Variants in HECW2 observed in about 807,000 individuals in gnomAD.
HECW2 encodes HECT, C2 and WW domain containing E3 ubiquitin protein ligase 2.
Under a neutral mutation model 175.2 loss-of-function variants are expected in HECW2, and 61 were observed. That is an observed-to-expected ratio of 0.35 (90% CI 0.28 to 0.43). The LOEUF is 0.43. Ranked by LOEUF, HECW2 falls within the 20% of genes least tolerant of loss-of-function variation. The pLI, the probability that HECW2 is intolerant of heterozygous loss-of-function variation, is 1.00. For synonymous variants in HECW2, 671 were observed against 731.0 expected (o/e 0.92, Z 1.32); for missense variants, 1,524 against 2,000.5 (o/e 0.76, Z 4.54).
intron 1 of HECW2, among the ~76,000 whole-genome samples, chr2:196,589,471 A>C (rs1336239685): frequency 6.6e-6 from 1 of 152,144 alleles, no homozygotes; most frequent in Non-Finnish European, 1.5e-5. Context: ...TCAAACCCCC[A>C]AGAGAATTTT....
rs1472464215 is a variant in HECW2, at chr2:196,433,033, T to C, written c.292+99A>G. 14 of 1,099,362 alleles carry C rather than the reference T, an allele frequency of 1.3e-5. No homozygotes were observed. The East Asian group carries it at 3.1e-4, about 24-fold the overall frequency. The allele number at this position is 1,099,362 out of a possible 1,614,324, so 68.1% of individuals were successfully genotyped here. On this transcript the variant is annotated intron_variant, in intron 2 of 28. Coordinates refer to ENST00000644978, the MANE Select transcript of HECW2 (RefSeq NM_001348768.2). ...AGAATCTGCTATGTGTATATGTGCA[T>C]GTGAATTTTTTTCCAGAAGAAAATA...
intron 1 of HECW2, among the ~76,000 whole-genome samples, chr2:196,548,908 C>T (rs1329726576): frequency 2.6e-5 from 4 of 152,120 alleles, no homozygotes; most frequent in Non-Finnish European, 5.9e-5. Flanking sequence ...TTTATAAGGA[C>T]ACCAGTTATA....
At chr2:196,245,600 G>A (rs1688617001) in intron 19 of HECW2, among the ~76,000 whole-genome samples, 1 of 152,176 alleles carries the variant, frequency 6.6e-6, no homozygotes, top group Non-Finnish European at 1.5e-5. Context: ...TGCAGTGACT[G>A]TTGCATAAGA....
chr2:196,329,743 T>C, intron 4 of HECW2, 93 bp from the exon 5 acceptor site: 1 of 998,396 alleles, frequency 1.0e-6, no homozygotes, highest in South Asian at 1.3e-5. Context: ...ATGCAATGAT[T>C]TTTGCATCAA....
chr2:196,359,136 C>T (rs1372674786), intron 2 of HECW2, among the ~76,000 whole-genome samples: 2 of 152,268 alleles, frequency 1.3e-5, no homozygotes, highest in African/African-American at 4.8e-5. Context: ...ACCCTCCTTT[C>T]TTTCCTCTAA....
At chr2:196,388,609 G>A (rs1013641910) in intron 2 of HECW2, among the ~76,000 whole-genome samples, 4 of 152,096 alleles carry the variant, frequency 2.6e-5, no homozygotes, top group Non-Finnish European at 5.9e-5. Context: ...TCAGAGTATA[G>A]GTATGTAACT....
intron 2 of HECW2, among the ~76,000 whole-genome samples, chr2:196,384,308 C>T (rs976381774): frequency 1.3e-5 from 2 of 152,024 alleles, no homozygotes; most frequent in South Asian, 2.1e-4. Context: ...AGGCTGAGCA[C>T]GGTGGCTCGT....
chr2:196,477,849 C>T (rs1009391592), intron 1 of HECW2, among the ~76,000 whole-genome samples: 4 of 152,152 alleles, frequency 2.6e-5, no homozygotes, highest in African/African-American at 7.2e-5. Flanking sequence ...GTCAGGAGTT[C>T]GAGACCAGTC....
intron 2 of HECW2, among the ~76,000 whole-genome samples, chr2:196,379,680 GTC>G (rs1694151402): frequency 5.2e-5 from 3 of 57,304 alleles, no homozygotes; most frequent in Admixed American, 2.2e-4. Flanking sequence ...GCAATACTCC[GTC>G]TCAAAAAAAA....
chr2:196,440,062 A>C (rs2125287545), intron 1 of HECW2, among the ~76,000 whole-genome samples: 1 of 152,324 alleles, frequency 6.6e-6, no homozygotes, highest in South Asian at 2.1e-4. Context: ...GACAGGGCTG[A>C]GAAAATCAAA....
intron 15 of HECW2, among the ~76,000 whole-genome samples, chr2:196,278,133 A>AAAAATATATATAT (rs531920307): frequency 9.0e-5 from 6 of 66,552 alleles, no homozygotes; most frequent in South Asian, 6.4e-4. Flanking sequence ...ATAATTAAAA[A>AAAAATATATATAT]ATATATATAT....
intron 1 of HECW2, among the ~76,000 whole-genome samples, chr2:196,437,938 C>A (rs964727756): frequency 6.6e-6 from 1 of 152,128 alleles, no homozygotes; most frequent in African/African-American, 2.4e-5. Context: ...AGAATCCAGG[C>A]TCTTCCTCAA....
chr2:196,465,510 G>A (rs1368575903), intron 1 of HECW2, among the ~76,000 whole-genome samples: 1 of 151,940 alleles, frequency 6.6e-6, no homozygotes, highest in Non-Finnish European at 1.5e-5. Flanking sequence ...TTTGGGCCCA[G>A]CTTACATCAT....
At chr2:196,375,729 G>A (rs752825554) in intron 2 of HECW2, among the ~76,000 whole-genome samples, 12 of 152,326 alleles carry the variant, frequency 7.9e-5, no homozygotes, top group Admixed American at 3.9e-4. Flanking sequence ...GTGGGAAAAC[G>A]TCTACAGAGA....
Position 196,197,592 on chromosome 2 carries a change from G to T in HECW2, c.*3685C>A, listed in dbSNP as rs530898024. ...AATTTCTTTATGGACTTTTCAGAAGGTGTCATATTTTAAATGTATCTGTTT... is the reference window on the plus strand; with the variant it reads ...AATTTCTTTATGGACTTTTCAGAAGTTGTCATATTTTAAATGTATCTGTTT... On this transcript the variant is annotated 3_prime_UTR_variant, in exon 29 of 29. Transcript: ENST00000644978. 6.6e-6 allele frequency: 1 copy of T among 152,164 alleles called. No homozygotes were observed. Among genetic ancestry groups the T allele is most frequent in the African/African-American group, 2.4e-5 (1 of 41,508 alleles). 9.4% of individuals were successfully genotyped at this position (152,164 alleles called of 1,614,324 possible). A position where few individuals can be genotyped will look rare whatever the true frequency, so the allele number is the denominator to read the frequency against.
At chr2:196,381,580 C>A (rs374271656) in intron 2 of HECW2, among the ~76,000 whole-genome samples, 2 of 151,952 alleles carry the variant, frequency 1.3e-5, no homozygotes, top group South Asian at 2.1e-4. Context: ...TAAAAGTAGA[C>A]GAAAAGTTCT....
At chr2:196,306,135 A>G (rs1168611447) in intron 13 of HECW2, among the ~76,000 whole-genome samples, 1 of 151,960 alleles carries the variant, frequency 6.6e-6, no homozygotes, top group Non-Finnish European at 1.5e-5. Flanking sequence ...CCCTTAGACC[A>G]TATGAAGATG....
intron 1 of HECW2, among the ~76,000 whole-genome samples, chr2:196,472,781 C>T (rs1697264323): frequency 6.6e-6 from 1 of 152,052 alleles, no homozygotes. Context: ...ATCACCACAT[C>T]CAGCTAATTT....
chr2:196,581,849 G>A lies in HECW2; in HGVS notation c.-36+11659C>T, dbSNP rs561036414. ...TGTGAGGACAAGGCAGGTGGATCAC[G>A]AGGTCAGGAGATTGAGACCATCCTG... On this transcript the variant is annotated intron_variant, in intron 1 of 28. Transcript: ENST00000644978. Among the ~76,000 whole-genome samples, 6 of 152,152 alleles carry A rather than the reference G, an allele frequency of 3.9e-5. No individual in the cohort carries two copies. The South Asian group carries it at 1.2e-3, about 32-fold the overall frequency.
Sources: allele counts gnomAD v4.1 joint callset (sites outside exome capture counted in the v4.1 genomes callset), GRCh38; gene constraint gnomAD v4.1.1; transcripts MANE v1.5; gene names NCBI Gene and HGNC (gene_info 2026-07-23, HGNC 2026-07-21).